The following PLCG2 variants were observed in gnomAD, a reference collection of about 807,000 sequenced individuals.
The protein encoded by PLCG2 is 1-phosphatidylinositol 4,5-bisphosphate phosphodiesterase gamma-2.
PLCG2 carries 69 observed loss-of-function variants against 175.6 expected under a neutral mutation model. The observed-to-expected ratio is 0.39, with a 90% CI of 0.32 to 0.48. The LOEUF is 0.48. Ranked by LOEUF, PLCG2 falls within the 20% of genes least tolerant of loss-of-function variation. The pLI is 0.91. For synonymous variants in PLCG2, 827 were observed against 624.0 expected, an observed-to-expected ratio of 1.33 and a Z score of -4.85; for missense variants, 1,798 against 1,650.9, an observed-to-expected ratio of 1.09 and a Z score of -1.54.
intron 7 of PLCG2, among the ~76,000 whole-genome samples, chr16:81,879,707 G>T (rs939081261): frequency 1.3e-5 from 2 of 152,232 alleles, no homozygotes; most frequent in African/African-American, 4.8e-5. Context: ...ATTGAAGACT[G>T]TTGAAGCAAG....
intron 7 of PLCG2, 119 bp downstream of exon 7, chr16:81,871,054 CAT>C (rs1276819286): frequency 1.1e-5 from 6 of 566,488 alleles, no homozygotes; most frequent in Middle Eastern, 5.3e-4. Context: ...GTCAAGGAAA[CAT>C]AAATGAGAAT....
At chr16:81,784,770 A>G (rs1349553657) in intron 1 of PLCG2, among the ~76,000 whole-genome samples, 2 of 152,208 alleles carry the variant, frequency 1.3e-5, no homozygotes, top group Non-Finnish European at 2.9e-5. Flanking sequence ...TGGGACTGGA[A>G]ATGAGCCCAG....
At chr16:81,841,653 C>T (rs1002448129) in intron 2 of PLCG2, among the ~76,000 whole-genome samples, 15 of 152,190 alleles carry the variant, frequency 9.9e-5, no homozygotes, top group Non-Finnish European at 2.1e-4. Context: ...GAGGCTTCTT[C>T]ATACAGCCAG....
chr16:81,853,074 T>A (rs1356329864), intron 2 of PLCG2, among the ~76,000 whole-genome samples: 1 of 152,178 alleles, frequency 6.6e-6, no homozygotes, highest in Admixed American at 6.5e-5. Flanking sequence ...CTCACGCCTG[T>A]AATCCTAGCA....
intron 31 of PLCG2, among the ~76,000 whole-genome samples, chr16:81,949,488 G>A (rs1216638146): frequency 1.3e-5 from 2 of 152,122 alleles, no homozygotes; most frequent in Admixed American, 1.3e-4. Context: ...TGTGGACTAG[G>A]AAGACGGAAT....
At chr16:81,867,619 A>C (rs1907306095) in intron 5 of PLCG2, among the ~76,000 whole-genome samples, 1 of 151,632 alleles carries the variant, frequency 6.6e-6, no homozygotes, top group African/African-American at 2.4e-5. Flanking sequence ...AGCACTATTG[A>C]AGTTTCAGCT....
chr16:81,927,401 G>A (rs1402815693), intron 23 of PLCG2, among the ~76,000 whole-genome samples: 1 of 152,234 alleles, frequency 6.6e-6, no homozygotes, highest in East Asian at 1.9e-4. Context: ...GTTGTGTTGG[G>A]CTTGGAAGGA....
intron 19 of PLCG2, among the ~76,000 whole-genome samples, chr16:81,913,655 G>A (rs1030664395): frequency 1.3e-5 from 2 of 152,250 alleles, no homozygotes; most frequent in African/African-American, 4.8e-5. Context: ...ATTGCTTCTT[G>A]TGAAAAATGG....
At chr16:81,951,679 T>G (rs1343511495) in intron 31 of PLCG2, among the ~76,000 whole-genome samples, 2 of 152,170 alleles carry the variant, frequency 1.3e-5, no homozygotes, top group African/African-American at 4.8e-5. Flanking sequence ...GATGTTAAAC[T>G]TCAAAAAATA....
intron 21 of PLCG2, among the ~76,000 whole-genome samples, chr16:81,923,069 G>A (rs534060649): frequency 3.3e-5 from 5 of 152,262 alleles, no homozygotes; most frequent in Non-Finnish European, 7.4e-5. Flanking sequence ...GGCTTGCTGA[G>A]CACCGGCACT....
chr16:81,770,812 A>G (rs1597308786), intron 2 of PLCG2, among the ~76,000 whole-genome samples: 2 of 152,148 alleles, frequency 1.3e-5, no homozygotes, highest in East Asian at 3.8e-4. Flanking sequence ...TTATCCCAGC[A>G]CTTTGCGGGG....
intron 2 of PLCG2, among the ~76,000 whole-genome samples, chr16:81,770,294 G>A (rs189918583): frequency 1.3e-5 from 2 of 152,072 alleles, no homozygotes; most frequent in Non-Finnish European, 2.9e-5. Flanking sequence ...ACTACTAGCA[G>A]CCTTGTTTTT....
intron 22 of PLCG2, among the ~76,000 whole-genome samples, chr16:81,926,505 A>G (rs764743617): frequency 6.6e-6 from 1 of 152,256 alleles, no homozygotes; most frequent in African/African-American, 2.4e-5. Context: ...ATAGGGAACA[A>G]TGTTTTAGCT....
intron 2 of PLCG2, among the ~76,000 whole-genome samples, chr16:81,824,499 C>T (rs1904958754): frequency 6.6e-6 from 1 of 152,214 alleles, no homozygotes; most frequent in African/African-American, 2.4e-5. Flanking sequence ...CTGGAAAGCA[C>T]CTCCAGCTTT....
chr16:81,857,023 T>C (rs547523656), intron 3 of PLCG2, among the ~76,000 whole-genome samples: 1 of 152,360 alleles, frequency 6.6e-6, no homozygotes, highest in South Asian at 2.1e-4. Context: ...AGAGATCTCA[T>C]GCAACCAGTC....
intron 7 of PLCG2, among the ~76,000 whole-genome samples, chr16:81,876,095 G>A (rs1597367992): frequency 7.2e-6 from 1 of 138,248 alleles, no homozygotes; most frequent in East Asian, 2.2e-4. Context: ...GTACAATCAT[G>A]GCTCACTGCA....
At chr16:81,760,011 A>G (rs1205489271) in intron 2 of PLCG2, among the ~76,000 whole-genome samples, 1 of 152,172 alleles carries the variant, frequency 6.6e-6, no homozygotes, top group Non-Finnish European at 1.5e-5. Context: ...CTGTAGTCCC[A>G]GCTGCTGGGG....
intron 11 of PLCG2, among the ~76,000 whole-genome samples, chr16:81,892,099 G>A (rs1172998014): frequency 6.6e-6 from 1 of 152,214 alleles, no homozygotes; most frequent in Non-Finnish European, 1.5e-5. Flanking sequence ...GGTAAGGCAA[G>A]GAGAAGTGTT....
chr16:81,871,177 C>T lies in PLCG2; in HGVS notation c.648+242C>T, dbSNP rs7187163. The stretch of plus-strand genomic sequence containing the variant: ...TTCATATGCCTTCCTGGTGGAAATG[C>T]GAATGGCCATAAGTTTGATTGGAAT... On this transcript the variant is annotated intron_variant, in intron 7 of 32. Coordinates refer to ENST00000564138, the MANE Select transcript of PLCG2 (RefSeq NM_002661.5). Among the ~76,000 whole-genome samples the T allele has an allele frequency of 0.55, 82,948 of 151,754 alleles. 23,382 individuals are homozygous for T. Among genetic ancestry groups the T allele is most frequent in the Middle Eastern group, 0.62 (183 of 294 alleles).
Sources: allele counts gnomAD v4.1 joint callset (sites outside exome capture counted in the v4.1 genomes callset), GRCh38; gene constraint gnomAD v4.1.1; transcripts MANE v1.5; gene names NCBI Gene and HGNC (gene_info 2026-07-23, HGNC 2026-07-21).